HTR2C: variants seen among roughly 807,000 people sequenced by gnomAD.
The protein encoded by HTR2C is 5-hydroxytryptamine receptor 2C.
Under a neutral mutation model 21.0 loss-of-function variants are expected in HTR2C, and 5 were observed. The observed-to-expected ratio is 0.24, with a 90% CI of 0.12 to 0.50. The LOEUF (loss-of-function observed/expected upper bound fraction) is 0.50. Ranked by LOEUF, HTR2C falls within the 20% of genes least tolerant of loss-of-function variation. HTR2C has a pLI of 0.98. For missense variants in HTR2C, 271 were observed against 371.2 expected (o/e 0.73, Z 2.22); for synonymous variants, 150 against 145.3 (o/e 1.03, Z -0.23).
intron 5 of HTR2C, among the ~76,000 whole-genome samples, chrX:114,869,783 G>C (rs1008536708): frequency 8.9e-5 from 10 of 111,934 alleles, no homozygotes; most frequent in Non-Finnish European, 1.5e-4. Context: ...CATTCAGTAT[G>C]ATATTAGCTG....
chrX:114,899,665 G>A (rs970969560), intron 5 of HTR2C, among the ~76,000 whole-genome samples: 2 of 111,170 alleles, frequency 1.8e-5, no homozygotes, highest in Non-Finnish European at 3.8e-5. Flanking sequence ...CCGTTGCCCC[G>A]CCTGGCTTTT....
intron 4 of HTR2C, among the ~76,000 whole-genome samples, chrX:114,810,618 A>T (rs1464779059): frequency 9.1e-6 from 1 of 109,478 alleles, no homozygotes; most frequent in African/African-American, 3.3e-5. Flanking sequence ...GCACCATGTG[A>T]CCACTGCCAG....
intron 5 of HTR2C, among the ~76,000 whole-genome samples, chrX:114,876,392 ATTTCTTTC>A (rs201460268): frequency 2.8e-4 from 17 of 59,671 alleles, no homozygotes; most frequent in African/African-American, 9.3e-4. Flanking sequence ...GATGCCGGTT[ATTTCTTTC>A]TTTCTTTCTT....
chrX:114,684,685 G>A (rs1216540238), intron 2 of HTR2C, among the ~76,000 whole-genome samples: 3 of 110,682 alleles, frequency 2.7e-5, no homozygotes, highest in South Asian at 3.8e-4. Context: ...AACTTTTTTG[G>A]CATATAAAGT....
At chrX:114,604,152 G>A (rs111728895) in intron 1 of HTR2C, among the ~76,000 whole-genome samples, 1 of 108,544 alleles carries the variant, frequency 9.2e-6, no homozygotes, top group African/African-American at 3.4e-5. Context: ...GGGTTAAGGT[G>A]GGGGGATACA....
At chrX:114,774,719 C>G in intron 4 of HTR2C, 1 of 301,123 alleles carries the variant, frequency 3.3e-6, no homozygotes, top group Non-Finnish European at 5.9e-6. Flanking sequence ...TTCCTAGTAA[C>G]TTACTACAGC....
intron 4 of HTR2C, among the ~76,000 whole-genome samples, chrX:114,789,875 G>A (rs2070214789): frequency 9.0e-6 from 1 of 111,496 alleles, no homozygotes. Flanking sequence ...ACAGTGCCTG[G>A]CACATAGTAA....
intron 4 of HTR2C, among the ~76,000 whole-genome samples, chrX:114,746,580 T>A (rs1240343854): frequency 5.4e-5 from 6 of 111,129 alleles, no homozygotes; most frequent in Non-Finnish European, 9.4e-5. Context: ...TCAATTAGGC[T>A]CAGTGGCTCA....
intron 4 of HTR2C, among the ~76,000 whole-genome samples, chrX:114,800,593 T>C (rs1242915259): frequency 9.0e-6 from 1 of 111,510 alleles, no homozygotes; most frequent in Non-Finnish European, 1.9e-5. Flanking sequence ...ATATTTTTTC[T>C]TGGCTGTCCT....
intron 3 of HTR2C, among the ~76,000 whole-genome samples, chrX:114,729,306 A>G (rs1462409090): frequency 2.7e-5 from 3 of 111,847 alleles, no homozygotes; most frequent in Admixed American, 1.9e-4. Context: ...AAGGCCTCTT[A>G]TGACACAGGT....
At chrX:114,830,017 A>G (rs145765307) in intron 4 of HTR2C, among the ~76,000 whole-genome samples, 83 of 111,510 alleles carry the variant, frequency 7.4e-4, no homozygotes, top group African/African-American at 2.5e-3. Context: ...CAACAAACAC[A>G]TTAGGGTTTT....
chrX:114,648,810 T>C (rs1556408018), intron 2 of HTR2C, among the ~76,000 whole-genome samples: 1 of 112,042 alleles, frequency 8.9e-6, no homozygotes, highest in Non-Finnish European at 1.9e-5. Flanking sequence ...GTACTTTAAA[T>C]AGTTTACTCC....
At chrX:114,701,581 C>A (rs1414263188) in intron 2 of HTR2C, among the ~76,000 whole-genome samples, 1 of 110,968 alleles carries the variant, frequency 9.0e-6, no homozygotes, top group Non-Finnish European at 1.9e-5. Context: ...TCATCAAAGA[C>A]CAAAAGTAGA....
intron 2 of HTR2C, among the ~76,000 whole-genome samples, chrX:114,685,449 C>A (rs1931881613): frequency 8.9e-6 from 1 of 112,206 alleles, no homozygotes; most frequent in African/African-American, 3.2e-5. Flanking sequence ...CTTCTGAATT[C>A]ATTAGTGAAG....
intron 1 of HTR2C, among the ~76,000 whole-genome samples, chrX:114,591,272 A>C: frequency 8.9e-6 from 1 of 111,754 alleles, no homozygotes; most frequent in Middle Eastern, 4.6e-3. Flanking sequence ...AAGGAAGTAA[A>C]ACAAGGAAGA....
rs782500558 is a variant in HTR2C at position 114,864,516 on chromosome X, C to A, written c.550+16313C>A. Among the ~76,000 whole-genome samples, 373 of 111,231 alleles carry A rather than the reference C, an allele frequency of 3.4e-3. 2 individuals carry two copies. The highest frequency in any genetic ancestry group is 0.011 in the African/African-American group (352 of 30,737). On this transcript the variant is annotated intron_variant, in intron 5 of 5. Transcript: ENST00000276198. The stretch of plus-strand genomic sequence containing the variant: ...TTAGTGTAGCTTCCATTATTTTTGA[C>A]CATTGTGACTTTCATCTTCATACTA...
intron 2 of HTR2C, among the ~76,000 whole-genome samples, chrX:114,726,002 A>G (rs1399651012): frequency 1.8e-5 from 2 of 111,023 alleles, no homozygotes; most frequent in African/African-American, 3.3e-5. Flanking sequence ...GGTGGAGCCT[A>G]CAGAGGCAGG....
chrX:114,733,097 C>G (rs1556423723), intron 4 of HTR2C, among the ~76,000 whole-genome samples: 1 of 111,053 alleles, frequency 9.0e-6, no homozygotes, highest in East Asian at 2.8e-4. Flanking sequence ...TATTAGGAAG[C>G]CTAAGATTGA....
chrX:114,678,525 G>A (rs1211285426), intron 2 of HTR2C, among the ~76,000 whole-genome samples: 2 of 111,439 alleles, frequency 1.8e-5, no homozygotes, highest in African/African-American at 6.5e-5. Flanking sequence ...GCAGATTGGC[G>A]ATTAGTAGGC....
Sources: allele counts gnomAD v4.1 joint callset (sites outside exome capture counted in the v4.1 genomes callset), GRCh38; gene constraint gnomAD v4.1.1; transcripts MANE v1.5; gene names NCBI Gene and HGNC (gene_info 2026-07-23, HGNC 2026-07-21).